ZSCAN22: variants seen among roughly 807,000 people sequenced by gnomAD.
ZSCAN22 encodes zinc finger and SCAN domain containing 22.
A neutral mutation model predicts 12.4 loss-of-function variants in ZSCAN22; 7 were observed. The observed-to-expected ratio is 0.57, with a 90% CI of 0.32 to 1.06. The LOEUF (loss-of-function observed/expected upper bound fraction) is 1.06, where lower values mean the gene tolerates loss of function less well. Among genes scored for constraint, ZSCAN22 ranks in the 50% least tolerant of loss-of-function variants. The probability of loss-of-function intolerance (pLI) is 0.04; values close to 1 mark genes in which losing one functional copy is unlikely to be tolerated. For missense variants in ZSCAN22, 576 were observed against 631.7 expected (o/e 0.91, Z 0.94); for synonymous variants, 243 against 255.9 (o/e 0.95, Z 0.48).
At position 58,339,255 on chromosome 19, in the gene ZSCAN22, T is replaced by C; in HGVS notation, c.1405T>C (p.Cys469Arg). ...AGAGAAGCCTTATAAGTGCAGCGAC[T>C]GTGGGAAGGCCTTCAGTCGTAGCTC... is the stretch of plus-strand genomic sequence containing the variant. Reference protein sequence around the residue: ...TGEKPYKCSDCGKAFSRSSAL... With the variant: ...TGEKPYKCSDRGKAFSRSSAL... Residue 469 changes from cysteine (C) to arginine (R), a missense_variant, in exon 3 of 3, where the codon TGT becomes CGT. Coordinates refer to ENST00000329665, the MANE Select transcript of ZSCAN22 (RefSeq NM_181846.3). This position sits in a 1 kb window ranked among gnomAD's most constrained non-coding sequence, Gnocchi z 5.6. 6.2e-7 allele frequency: 1 copy of C among 1,614,208 alleles called. No individual in the cohort carries two copies. The highest frequency in any genetic ancestry group is 8.5e-7 in the Non-Finnish European group (1 of 1,180,018).
chr19:58,338,169 T>C lies in ZSCAN22; in HGVS notation c.404-85T>C. Reference sequence around the variant, plus strand: ...TGTTAGGAACGGGCCACATCTCCCCTTACAAAGTGTGACCGGGGCCCTCGG... The same window carrying C: ...TGTTAGGAACGGGCCACATCTCCCCCTACAAAGTGTGACCGGGGCCCTCGG... On this transcript the variant is annotated intron_variant, in intron 2 of 2. Transcript: ENST00000329665. This position sits in a 1 kb window ranked among gnomAD's most constrained non-coding sequence, Gnocchi z 5.4. 7.7e-7 allele frequency: 1 copy of C among 1,295,440 alleles called. No individual in the cohort carries two copies. Among genetic ancestry groups the C allele is most frequent in the Non-Finnish European group, 1.1e-6 (1 of 937,458 alleles). The allele number at this position is 1,295,440 out of a possible 1,614,324, so 80.2% of individuals were successfully genotyped here.
In ZSCAN22 at chr19:58,338,284, C is replaced by A. The variant is rs749640157; in HGVS notation, c.434C>A (p.Ala145Glu). The A allele has an allele frequency of 1.9e-6, 3 of 1,604,690 alleles. No individual in the cohort carries two copies. Among genetic ancestry groups the A allele is most frequent in the African/African-American group, 2.7e-5 (2 of 74,724 alleles). ...GWDPGAEPTE[A>E]SCKQSDLGES... ...GATCCAGGAGCCGAGCCCACAGAGG[C>A]AAGCTGCAAGCAGAGTGACCTGGGA... Residue 145 changes from alanine (A) to glutamate (E), a missense_variant, in exon 3 of 3, where the codon GCA (alanine) becomes GAA (glutamate). By Grantham distance (107) the Ala-to-Glu change is moderately radical. Transcript: ENST00000329665. The surrounding 1 kb of genome is among the most constrained non-coding windows in gnomAD (Gnocchi z 5.4).
At chr19:58,327,234 A>C (rs2051662580) in intron 1 of ZSCAN22, 120 bp downstream of exon 1, 1 of 152,382 alleles carries the variant, frequency 6.6e-6, no homozygotes, top group Non-Finnish European at 1.5e-5. Context: ...GCGGGTAGAG[A>C]GTGAGAGGCT....
Position 58,329,079 on chromosome 19 carries a change from CAGAGACGGA to C in ZSCAN22, c.-52+1966_-52+1974del, listed in dbSNP as rs2051690853. Among the ~76,000 whole-genome samples the C allele has an allele frequency of 1.3e-5, 2 of 152,138 alleles. No individual in the cohort carries two copies. The highest frequency in any genetic ancestry group is 2.9e-5 in the Non-Finnish European group (2 of 68,028). On this transcript the variant is annotated intron_variant, in intron 1 of 2. Coordinates refer to ENST00000329665, the MANE Select transcript of ZSCAN22 (RefSeq NM_181846.3). The surrounding 1 kb of genome is among the most constrained non-coding windows in gnomAD (Gnocchi z 4.1). ...GCCTAGAGAGCCCAGAGGAATCCGT[CAGAGACGGA>C]TTTCAGAACTCGAGAGCAGCAGGGG...
chr19:58,327,213 G>C (rs1167788867), intron 1 of ZSCAN22, 99 bp downstream of exon 1: 1 of 152,598 alleles, frequency 6.6e-6, no homozygotes, highest in Non-Finnish European at 1.5e-5. Flanking sequence ...CGAGATGCGG[G>C]GTACCGCCCA....
rs752285009 is a variant in ZSCAN22 at position 58,339,105 on chromosome 19, G to A, written c.1255G>A (p.Asp419Asn). The change falls in exon 3 of 3, where the codon GAC (aspartate) becomes AAC (asparagine). Residue 419 changes from aspartate to asparagine, a missense_variant. Transcript: ENST00000329665. This position sits in a 1 kb window ranked among gnomAD's most constrained non-coding sequence, Gnocchi z 5.6. Reference protein sequence around the residue: ...KCDACGRAFSDCSALIRHLRI... With the variant: ...KCDACGRAFSNCSALIRHLRI... The stretch of plus-strand genomic sequence containing the variant: ...TGACGCGTGTGGCCGAGCCTTCAGC[G>A]ACTGCTCAGCCCTGATCCGACATCT... 3.7e-6 allele frequency: 6 copies of A among 1,614,222 alleles called. No homozygotes were observed. The highest frequency in any genetic ancestry group is 2.2e-5 in the East Asian group (1 of 44,878).
At chr19:58,327,217 C>G (rs2051662124) in intron 1 of ZSCAN22, 103 bp downstream of exon 1, 2 of 152,538 alleles carry the variant, frequency 1.3e-5, no homozygotes, top group African/African-American at 4.8e-5. Context: ...ATGCGGGGTA[C>G]CGCCCAGCGG....
chr19:58,338,912 T>G lies in ZSCAN22; in HGVS notation c.1062T>G (p.Cys354Trp). The G allele has an allele frequency of 6.2e-7, 1 of 1,613,590 alleles. No homozygotes were observed. Among genetic ancestry groups the G allele is most frequent in the Non-Finnish European group, 8.5e-7 (1 of 1,179,908 alleles). ...ATACTGGAGAGAAACCCTACAAATG[T>G]GGGGAATGTGGTAAAACCTTCAGCC... The part of the protein sequence containing the change: ...RIHTGEKPYK[C>W]GECGKTFSRS... Residue 354 changes from cysteine (C) to tryptophan (W), a missense_variant, in exon 3 of 3, where the codon TGT (cysteine) becomes TGG (tryptophan). Physicochemically the swap from Cys to Trp is radical, Grantham distance 215. Transcript: ENST00000329665. The surrounding 1 kb of genome is among the most constrained non-coding windows in gnomAD (Gnocchi z 5.4).
rs566243389 is a variant in ZSCAN22, at chr19:58,329,259, C to T, written c.-52+2145C>T. 5.9e-5 allele frequency among the ~76,000 whole-genome samples: 9 copies of T among 152,332 alleles called. No homozygotes were observed. The South Asian group carries it at 1.7e-3, about 28-fold the overall frequency. On this transcript the variant is annotated intron_variant, in intron 1 of 2. Transcript: ENST00000329665. The surrounding 1 kb of genome is among the most constrained non-coding windows in gnomAD (Gnocchi z 4.1). ...GGATTGGGGTCTTGTTTTAGAGTAA[C>T]GTTCTCTTCTTCCTGTGCCCAAGGC...
Position 58,335,075 on chromosome 19 carries a change from G to C in ZSCAN22, c.273G>C (p.Leu91=), listed in dbSNP as rs369981237. 6.2e-6 allele frequency: 10 copies of C among 1,614,016 alleles called. No individual in the cohort carries two copies. The highest frequency in any genetic ancestry group is 1.3e-5 in the African/African-American group (1 of 74,942). ...EAHSKEQILE[L]LVLEQFLGAL... ...ACTCCAAGGAGCAGATACTGGAGCT[G>C]CTGGTGCTGGAGCAGTTCCTGGGTG... Residue 91 remains leucine, a synonymous_variant, in exon 2 of 3, where the codon CTG becomes CTC. Transcript: ENST00000329665. The surrounding 1 kb of genome is among the most constrained non-coding windows in gnomAD (Gnocchi z 4.1).
chr19:58,338,505 C>T lies in ZSCAN22; in HGVS notation c.655C>T (p.Arg219Cys), dbSNP rs753075225. 2.1e-5 allele frequency: 34 copies of T among 1,614,066 alleles called. No individual in the cohort carries two copies. The East Asian group carries it at 3.3e-4, about 16-fold the overall frequency. Reference sequence around the variant, plus strand: ...TTACAAGGATGTCCCCACAGACCAGCGTGGCCGTGAATCTGGTGCCTCGAG... The same window carrying T: ...TTACAAGGATGTCCCCACAGACCAGTGTGGCCGTGAATCTGGTGCCTCGAG... Reference protein sequence around the residue: ...GPYKDVPTDQRGRESGASRNS... With the variant: ...GPYKDVPTDQCGRESGASRNS... Residue 219 changes from arginine to cysteine, a missense_variant, in exon 3 of 3, where the codon CGT (arginine) becomes TGT (cysteine). Transcript: ENST00000329665. This position sits in a 1 kb window ranked among gnomAD's most constrained non-coding sequence, Gnocchi z 5.4.
chr19:58,335,178 G>A lies in ZSCAN22; in HGVS notation c.376G>A (p.Asp126Asn). Reference protein sequence around the residue: ...SGEEAAVLVEDLTQVLDKRGW... With the variant: ...SGEEAAVLVENLTQVLDKRGW... The stretch of plus-strand genomic sequence containing the variant: ...AGAGGAAGCCGCTGTGCTGGTGGAG[G>A]ATCTGACTCAGGTGCTGGACAAGAG... The change falls in exon 2 of 3, where the codon GAT becomes AAT. Residue 126 changes from aspartate to asparagine, a missense_variant. Asp to Asn is a conservative substitution (Grantham distance 23). Transcript: ENST00000329665. This position sits in a 1 kb window ranked among gnomAD's most constrained non-coding sequence, Gnocchi z 4.1. 1 of 1,608,220 alleles carries A rather than the reference G, an allele frequency of 6.2e-7. No homozygotes were observed. The highest frequency in any genetic ancestry group is 1.1e-5 in the South Asian group (1 of 90,462).
rs773941511 is a variant in ZSCAN22, at chr19:58,339,154, CAT to C, written c.1307_1308del (p.Tyr436SerfsTer3). 3.7e-6 allele frequency: 6 copies of C among 1,614,192 alleles called. No individual in the cohort carries two copies. In the South Asian group the frequency reaches 6.6e-5, roughly 18 times the overall value. The stretch of plus-strand genomic sequence containing the variant: ...CTGAGAATCCACTCTGGAGAGAAGC[CAT>C]ATCAGTGTAAGGTTTGTCCGAAGGC... On this transcript the variant is annotated frameshift_variant, in exon 3 of 3. Coordinates refer to ENST00000329665, the MANE Select transcript of ZSCAN22 (RefSeq NM_181846.3). LOFTEE classifies it low-confidence loss of function (END_TRUNC). The surrounding 1 kb of genome is among the most constrained non-coding windows in gnomAD (Gnocchi z 5.6).
Position 58,334,972 on chromosome 19 carries a change from A to G in ZSCAN22, c.170A>G (p.Tyr57Cys), listed in dbSNP as rs199977485. 18 of 1,614,102 alleles carry G rather than the reference A, an allele frequency of 1.1e-5. No homozygotes were observed. The highest frequency in any genetic ancestry group is 8.3e-5 in the Admixed American group (5 of 60,026). The change falls in exon 2 of 3, where the codon TAT becomes TGT. Residue 57 changes from tyrosine (Y) to cysteine (C), a missense_variant. By Grantham distance (194) the Tyr-to-Cys change is radical. Transcript: ENST00000329665. ...CGCCTGCGCTTCCGGCACTTCCGCT[A>G]TGAGGAGGCATCTGGTCCACACGAG... ...AARLRFRHFRYEEASGPHEAL... is the reference protein window; with the variant it reads ...AARLRFRHFRCEEASGPHEAL...
At chr19:58,332,524 C>G (rs918215123) in intron 1 of ZSCAN22, among the ~76,000 whole-genome samples, 2 of 152,186 alleles carry the variant, frequency 1.3e-5, no homozygotes, top group South Asian at 2.1e-4. Context: ...ATCTACCCAC[C>G]TCGGCCTCCC....
rs111949898 is a variant in ZSCAN22 at position 58,330,282 on chromosome 19, T to G, written c.-52+3168T>G. ...TCCAGCCTGGGCGACAAAGCAAGAC[T>G]CCGTCTGGAGAAAAAAAGAATTTTT... On this transcript the variant is annotated intron_variant, in intron 1 of 2. Coordinates refer to ENST00000329665, the MANE Select transcript of ZSCAN22 (RefSeq NM_181846.3). 7.4e-3 allele frequency among the ~76,000 whole-genome samples: 1,132 copies of G among 152,178 alleles called. 9 individuals carry two copies. The highest frequency in any genetic ancestry group is 0.017 in the Middle Eastern group (5 of 294).
intron 1 of ZSCAN22, among the ~76,000 whole-genome samples, chr19:58,333,995 C>T (rs191771261): frequency 6.6e-6 from 1 of 152,108 alleles, no homozygotes; most frequent in African/African-American, 2.4e-5. Context: ...AAATTTATAG[C>T]CTTAAATATG....
chr19:58,327,304 G>T (rs2051663788), intron 1 of ZSCAN22, among the ~76,000 whole-genome samples, 190 bp downstream of exon 1: 1 of 152,182 alleles, frequency 6.6e-6, no homozygotes, highest in Non-Finnish European at 1.5e-5. Flanking sequence ...AGGATGTGAC[G>T]GACTGACGGA....
intron 1 of ZSCAN22, among the ~76,000 whole-genome samples, 181 bp downstream of exon 1, chr19:58,327,295 G>A (rs2051663613): frequency 6.6e-6 from 1 of 152,244 alleles, no homozygotes; most frequent in Non-Finnish European, 1.5e-5. Flanking sequence ...CACGCGCAGA[G>A]GATGTGACGG....
Sources: allele counts gnomAD v4.1 joint callset (sites outside exome capture counted in the v4.1 genomes callset), GRCh38; gene constraint gnomAD v4.1.1; non-coding constraint Gnocchi (gnomAD v3.1); transcripts MANE v1.5; gene names NCBI Gene and HGNC (gene_info 2026-07-23, HGNC 2026-07-21).